Variants in RBMX2 observed in about 807,000 individuals in gnomAD.
RBMX2 encodes RNA-binding motif protein, X-linked 2.
For missense variants in RBMX2, 191 were observed against 256.0 expected, an observed-to-expected ratio of 0.75 and a Z score of 1.73; for synonymous variants, 77 against 94.3, an observed-to-expected ratio of 0.82 and a Z score of 1.07.
Position 130,402,376 on chromosome X carries a change from G to A in RBMX2, c.121+6G>A. 8.3e-7 allele frequency: 1 copy of A among 1,206,217 alleles called. No homozygotes were observed. The highest frequency in any genetic ancestry group is 1.1e-6 in the Non-Finnish European group (1 of 893,044). On this transcript the variant is annotated splice_donor_region_variant and intron_variant, in intron 2 of 5. Transcript: ENST00000305536. ...CAGCGCCTGGATCTTCCTGGGTGAG[G>A]TCCACATCTTTCTTCCTCAGTGCTC...
intron 2 of RBMX2, 134 bp from the exon 3 acceptor site, chrX:130,403,668 C>T (rs2034468820): frequency 8.5e-6 from 5 of 590,151 alleles, no homozygotes; most frequent in Admixed American, 7.5e-5. Context: ...CCACGGTGCC[C>T]AGCCCAGACT....
At position 130,412,744 on chromosome X, in the gene RBMX2, TATAGAA is replaced by T. The variant is rs2034521154; in HGVS notation, c.866_871del (p.Tyr289_Ser291delinsCys). ...TAATGGGCGTTCTGAAGGGCGTAGT[TATAGAA>T]GTAGAAGTAGGAGCCGAGATAAATC... On this transcript the variant is annotated inframe_deletion, in exon 6 of 6. Coordinates refer to ENST00000305536, the MANE Select transcript of RBMX2 (RefSeq NM_016024.4). The T allele has an allele frequency of 3.3e-6, 4 of 1,210,854 alleles. No individual in the cohort carries two copies. The highest frequency in any genetic ancestry group is 5.9e-5 in the East Asian group (2 of 33,779).
Position 130,412,683 on chromosome X carries a change from C to T in RBMX2, c.804C>T (p.Asp268=), listed in dbSNP as rs1569460664. Residue 268 remains aspartate (D), a synonymous_variant, in exon 6 of 6, where the codon GAC becomes GAT. Transcript: ENST00000305536. ...EAREEKTRIR[D]RGRSSDAHSS... is the part of the protein sequence containing the mutation. ...GAGAAGAAAAGACCAGGATTAGGGA[C>T]AGAGGGCGGAGCTCAGATGCACATT... is the stretch of plus-strand genomic sequence containing the variant. 8.3e-7 allele frequency: 1 copy of T among 1,210,442 alleles called. No homozygotes were observed.
intron 1 of RBMX2, 27 bp from the exon 2 acceptor site, chrX:130,402,228 C>G: frequency 1.9e-6 from 2 of 1,029,124 alleles, no homozygotes; most frequent in Non-Finnish European, 2.7e-6. Context: ...TCTGCCTACC[C>G]TCCCCACCCC....
At chrX:130,404,286 C>T (rs760951687) in intron 3 of RBMX2, 44 of 137,398 alleles carry the variant, frequency 3.2e-4, no homozygotes, top group African/African-American at 1.3e-3. Flanking sequence ...TTCTTTGTTT[C>T]TCGATGAGTG....
rs2034517783 is a variant in RBMX2, at chrX:130,412,354, C to T, written c.482-7C>T. 6 of 1,091,046 alleles carry T rather than the reference C, an allele frequency of 5.5e-6. No individual in the cohort carries two copies. The highest frequency in any genetic ancestry group is 2.6e-5 in the South Asian group (1 of 38,605). 89.9% of individuals were successfully genotyped at this position (1,091,046 alleles called of 1,213,427 possible). On this transcript the variant is annotated splice_polypyrimidine_tract_variant and splice_region_variant and intron_variant, in intron 5 of 5. Coordinates refer to ENST00000305536, the MANE Select transcript of RBMX2 (RefSeq NM_016024.4). ...CTTATTTACTGCTTCTTTCTTTTAT[C>T]CTCCAGACAAAAAGGAAAAAAAGAA...
At chrX:130,404,222 T>C (rs908894431) in intron 3 of RBMX2, 21 of 191,318 alleles carry the variant, frequency 1.1e-4, no homozygotes, top group South Asian at 2.1e-4. Flanking sequence ...CGTCATACGA[T>C]TGGGGCAAAG....
intron 3 of RBMX2, chrX:130,404,451 TAGCAGCTGGTAGGAGAGGGGCTG>T (rs1182505055): frequency 3.5e-5 from 4 of 112,893 alleles, no homozygotes; most frequent in African/African-American, 1.3e-4. Context: ...ATACTGGTAG[TAGCAGCTGGTAGGAGAGGGGCTG>T]GGCAGCTGGC....
At position 130,412,751 on chromosome X, in the gene RBMX2, G is replaced by A; in HGVS notation, c.872G>A (p.Ser291Asn). Residue 291 changes from serine (S) to asparagine (N), a missense_variant, in exon 6 of 6, where the codon AGT becomes AAT. Ser to Asn is a conservative substitution (Grantham distance 46). Transcript: ENST00000305536. Reference sequence around the variant, plus strand: ...CGTTCTGAAGGGCGTAGTTATAGAAGTAGAAGTAGGAGCCGAGATAAATCC... The same window carrying A: ...CGTTCTGAAGGGCGTAGTTATAGAAATAGAAGTAGGAGCCGAGATAAATCC... ...NGRSEGRSYR[S>N]RSRSRDKSHR... The A allele has an allele frequency of 8.3e-7, 1 of 1,211,568 alleles. No individual in the cohort carries two copies. The highest frequency in any genetic ancestry group is 1.1e-6 in the Non-Finnish European group (1 of 895,416).
chrX:130,403,582 A>C (rs1209888466), intron 2 of RBMX2, among the ~76,000 whole-genome samples: 1 of 111,140 alleles, frequency 9.0e-6, no homozygotes, highest in African/African-American at 3.3e-5. Flanking sequence ...CATGTTGGAC[A>C]GGCTGGTCTC....
chrX:130,407,134 CT>C lies in RBMX2; in HGVS notation c.174-2110del, dbSNP rs59357525. On this transcript the variant is annotated intron_variant, in intron 3 of 5. Transcript: ENST00000305536. ...GTTCCTTCAAGCCAGTGCCTGTATT[CT>C]TTTTTTTTTTTTAATTCTTGTTTTG... Among the ~76,000 whole-genome samples the C allele has an allele frequency of 5.9e-3, 585 of 99,213 alleles. 4 individuals carry two copies. Among genetic ancestry groups the C allele is most frequent in the African/African-American group, 0.017 (456 of 27,434 alleles). 86.2% of individuals were successfully genotyped at this position (99,213 alleles called of 115,157 possible).
intron 3 of RBMX2, among the ~76,000 whole-genome samples, chrX:130,407,043 G>T (rs1466196041): frequency 9.1e-6 from 1 of 110,422 alleles, no homozygotes; most frequent in East Asian, 2.8e-4. Flanking sequence ...TTCTTAATTT[G>T]ATATGTTATA....
intron 2 of RBMX2, among the ~76,000 whole-genome samples, chrX:130,402,754 C>T (rs1569459714): frequency 9.0e-6 from 1 of 111,557 alleles, no homozygotes. Flanking sequence ...TGGTCTTAGC[C>T]ACAGCTCCAT....
intron 3 of RBMX2, among the ~76,000 whole-genome samples, chrX:130,404,907 C>T (rs1371387260): frequency 2.7e-5 from 3 of 112,834 alleles, no homozygotes; most frequent in African/African-American, 6.4e-5. Flanking sequence ...CCTATAATTT[C>T]TACCCCTTTG....
chrX:130,407,864 T>C (rs935584180), intron 3 of RBMX2, among the ~76,000 whole-genome samples: 1 of 111,002 alleles, frequency 9.0e-6, no homozygotes, highest in Non-Finnish European at 1.9e-5. Context: ...CTGGCCGTAT[T>C]GTCCAGGCTG....
Position 130,403,795 on chromosome X carries a change from C to G in RBMX2, c.122-7C>G. On this transcript the variant is annotated splice_region_variant and splice_polypyrimidine_tract_variant and intron_variant, in intron 2 of 5. Coordinates refer to ENST00000305536, the MANE Select transcript of RBMX2 (RefSeq NM_016024.4). ...TGGTGGAACTGAAATGTGGTTTTCT[C>G]TTCTAGGAGGGCTTCCTTATGAACT... is the stretch of plus-strand genomic sequence containing the variant. 8.3e-7 allele frequency: 1 copy of G among 1,208,905 alleles called. No homozygotes were observed. Among genetic ancestry groups the G allele is most frequent in the Non-Finnish European group, 1.1e-6 (1 of 892,703 alleles).
At chrX:130,410,473 G>C (rs939295156) in intron 4 of RBMX2, among the ~76,000 whole-genome samples, 3 of 110,907 alleles carry the variant, frequency 2.7e-5, no homozygotes, top group Non-Finnish European at 5.7e-5. Flanking sequence ...CACAACCTCT[G>C]TTGCCTGGGT....
At chrX:130,403,764 A>G in intron 2 of RBMX2, 38 bp from the exon 3 acceptor site, 1 of 1,179,328 alleles carries the variant, frequency 8.5e-7, no homozygotes, top group South Asian at 1.8e-5. Context: ...AACACTTGGT[A>G]AATGTTGGTG....
At chrX:130,402,520 CTT>C in intron 2 of RBMX2, 150 bp downstream of exon 2, 10 of 998,345 alleles carry the variant, frequency 1.0e-5, no homozygotes, top group Non-Finnish European at 1.2e-5. Flanking sequence ...TGTTACATCT[CTT>C]TTCTGCCCCA....
Sources: allele counts gnomAD v4.1 joint callset (sites outside exome capture counted in the v4.1 genomes callset), GRCh38; gene constraint gnomAD v4.1.1; transcripts MANE v1.5; gene names NCBI Gene and HGNC (gene_info 2026-07-23, HGNC 2026-07-21).